The following AKAP7 variants were observed in gnomAD, a reference collection of about 807,000 sequenced individuals.
AKAP7 encodes the protein A-kinase anchoring protein 7, also known as A kinase (PRKA) anchor protein 7.
Under a neutral mutation model 39.5 loss-of-function variants are expected in AKAP7, and 39 were observed. The observed-to-expected ratio is 0.99, with a 90% confidence interval of 0.76 to 1.29. The LOEUF (loss-of-function observed/expected upper bound fraction) is 1.29, where lower values mean the gene tolerates loss of function less well. Among genes scored for constraint, AKAP7 ranks in the 50% most tolerant of loss-of-function variants. The pLI is 0.00. For missense variants in AKAP7, 414 were observed against 407.7 expected, an observed-to-expected ratio of 1.02 and a Z score of -0.13; for synonymous variants, 140 against 139.1, an observed-to-expected ratio of 1.01 and a Z score of -0.05.
chr6:131,272,021 G>A (rs1035941340), intron 7 of AKAP7, among the ~76,000 whole-genome samples: 1 of 152,110 alleles, frequency 6.6e-6, no homozygotes, highest in Non-Finnish European at 1.5e-5. Flanking sequence ...GCAAAGCCCC[G>A]GGACTGGTGA....
At chr6:131,224,408 T>G (rs906839841) in intron 7 of AKAP7, among the ~76,000 whole-genome samples, 2 of 152,206 alleles carry the variant, frequency 1.3e-5, no homozygotes, top group Non-Finnish European at 2.9e-5. Flanking sequence ...TGGTATACAT[T>G]AATACCGTGG....
rs889022875 is a variant in AKAP7 at position 131,165,179 on chromosome 6, G to A, written c.390G>A (p.Leu130=). The change falls in exon 4 of 8, where the codon CTG becomes CTA. Residue 130 remains leucine, a synonymous_variant. Transcript: ENST00000431975. ...MVSDGSFHIT[L]LVMQLLNEDE... The stretch of plus-strand genomic sequence containing the variant: ...GTGATGGTTCCTTTCATATTACCCT[G>A]CTGGTGATGCAATTATTAAATGAAG... 1 of 1,609,222 alleles carries A rather than the reference G, an allele frequency of 6.2e-7. No individual in the cohort carries two copies. The highest frequency in any genetic ancestry group is 1.3e-5 in the African/African-American group (1 of 74,896).
intron 7 of AKAP7, among the ~76,000 whole-genome samples, chr6:131,272,018 C>T (rs995240851): frequency 1.3e-5 from 2 of 152,110 alleles, no homozygotes; most frequent in African/African-American, 2.4e-5. Context: ...AGAGCAAAGC[C>T]CCGGGACTGG....
At chr6:131,174,469 G>T (rs1046851194) in intron 5 of AKAP7, among the ~76,000 whole-genome samples, 1 of 152,334 alleles carries the variant, frequency 6.6e-6, no homozygotes, top group East Asian at 1.9e-4. Context: ...GGCTTGCGCC[G>T]ATAATCCCAG....
chr6:131,213,315 C>T (rs1332599869), intron 6 of AKAP7, among the ~76,000 whole-genome samples: 1 of 151,960 alleles, frequency 6.6e-6, no homozygotes. Flanking sequence ...TTTTTTATAC[C>T]AGTGGCTTAC....
At chr6:131,155,751 A>G (rs752528426) in intron 2 of AKAP7, among the ~76,000 whole-genome samples, 5 of 152,186 alleles carry the variant, frequency 3.3e-5, no homozygotes, top group Non-Finnish European at 7.3e-5. Flanking sequence ...TAGTATCATT[A>G]AGAATGGATG....
intron 4 of AKAP7, among the ~76,000 whole-genome samples, chr6:131,166,424 A>G (rs1377230768): frequency 6.6e-6 from 1 of 152,236 alleles, no homozygotes; most frequent in Admixed American, 6.5e-5. Context: ...GAGCGTATCT[A>G]TGTAGATATC....
intron 5 of AKAP7, among the ~76,000 whole-genome samples, chr6:131,196,126 C>T (rs187776494): frequency 1.3e-5 from 2 of 152,098 alleles, no homozygotes; most frequent in Admixed American, 1.3e-4. Flanking sequence ...AGGTGGGCTT[C>T]ATTGTTTTAT....
At chr6:131,204,945 A>G (rs748746579) in intron 6 of AKAP7, among the ~76,000 whole-genome samples, 2 of 152,182 alleles carry the variant, frequency 1.3e-5, no homozygotes, top group African/African-American at 2.4e-5. Context: ...TAGTCTGGAA[A>G]TGATTTTATG....
chr6:131,246,906 T>C (rs1812047457), intron 7 of AKAP7, among the ~76,000 whole-genome samples: 1 of 152,160 alleles, frequency 6.6e-6, no homozygotes, highest in Non-Finnish European at 1.5e-5. Context: ...GAACTCTGGA[T>C]CAAATGCTTA....
intron 7 of AKAP7, among the ~76,000 whole-genome samples, chr6:131,227,526 TACTC>T (rs943850983): frequency 2.0e-5 from 3 of 152,238 alleles, no homozygotes; most frequent in South Asian, 2.1e-4. Flanking sequence ...TGATGTTTAA[TACTC>T]AACAACACAG....
At chr6:131,164,766 T>C (rs1803315100) in intron 3 of AKAP7, among the ~76,000 whole-genome samples, 1 of 152,184 alleles carries the variant, frequency 6.6e-6, no homozygotes, top group African/African-American at 2.4e-5. Flanking sequence ...GACAAATTTC[T>C]GAAAAGATGC....
intron 7 of AKAP7, among the ~76,000 whole-genome samples, chr6:131,238,684 C>G (rs554706157): frequency 1.3e-3 from 196 of 152,200 alleles, no homozygotes; most frequent in African/African-American, 4.5e-3. Flanking sequence ...CTCTTTTGAT[C>G]TTTGTTGGTT....
intron 3 of AKAP7, among the ~76,000 whole-genome samples, chr6:131,160,985 C>T (rs957042713): frequency 1.5e-4 from 7 of 48,032 alleles, no homozygotes; most frequent in African/African-American, 7.4e-4. Flanking sequence ...CTGTTTTTAC[C>T]CTTTGGCCCA....
chr6:131,151,297 C>T (rs1801894680), intron 2 of AKAP7, among the ~76,000 whole-genome samples: 1 of 151,610 alleles, frequency 6.6e-6, no homozygotes, highest in Admixed American at 6.6e-5. Context: ...CCTGCCTCAG[C>T]CTCCCAAAGT....
At chr6:131,167,700 C>T (rs1420791356) in intron 4 of AKAP7, among the ~76,000 whole-genome samples, 2 of 151,782 alleles carry the variant, frequency 1.3e-5, no homozygotes, top group Non-Finnish European at 2.9e-5. Flanking sequence ...ATGACAAATG[C>T]ACAATACTTT....
the AKAP7 span, among the ~76,000 whole-genome samples, chr6:131,128,604 C>T: frequency 2.0e-5 from 3 of 151,958 alleles, no homozygotes; most frequent in Non-Finnish European, 1.5e-5. Context: ...AGGCGGATCC[C>T]CTGAGGTCAG....
At chr6:131,251,505 A>G (rs1163754353) in intron 7 of AKAP7, among the ~76,000 whole-genome samples, 5 of 152,186 alleles carry the variant, frequency 3.3e-5, no homozygotes, top group African/African-American at 1.2e-4. Context: ...TCAGATACTG[A>G]AAGATATACG....
At chr6:131,201,076 C>G (rs1807515268) in intron 6 of AKAP7, among the ~76,000 whole-genome samples, 1 of 152,140 alleles carries the variant, frequency 6.6e-6, no homozygotes, top group African/African-American at 2.4e-5. Flanking sequence ...CAATCTTACC[C>G]TATAGAAAAG....
Sources: allele counts gnomAD v4.1 joint callset (sites outside exome capture counted in the v4.1 genomes callset), GRCh38; gene constraint gnomAD v4.1.1; transcripts MANE v1.5; gene names NCBI Gene and HGNC (gene_info 2026-07-23, HGNC 2026-07-21).